The following NFATC3 variants were observed in gnomAD, a reference collection of about 807,000 sequenced individuals.
NFATC3 encodes the protein nuclear factor of activated T-cells, cytoplasmic 3.
A neutral mutation model predicts 98.6 loss-of-function variants in NFATC3; 46 were observed. The observed-to-expected ratio is 0.47, with a 90% CI of 0.37 to 0.60. The LOEUF (loss-of-function observed/expected upper bound fraction) is 0.60, where lower values mean the gene tolerates loss of function less well. NFATC3 is among the 20% of genes least tolerant of loss of function. The pLI is 0.00. For missense variants in NFATC3, 1,256 were observed against 1,295.5 expected (o/e 0.97, Z 0.47); for synonymous variants, 512 against 472.2 (o/e 1.08, Z -1.09).
intron 9 of NFATC3, 168 bp downstream of exon 9, chr16:68,191,943 C>T: frequency 1.4e-6 from 1 of 715,282 alleles, no homozygotes; most frequent in South Asian, 1.9e-5. Context: ...GGTACCACGG[C>T]TCACGCCTGT....
At chr16:68,182,511 A>G (rs1316769794) in intron 7 of NFATC3, among the ~76,000 whole-genome samples, 1 of 151,958 alleles carries the variant, frequency 6.6e-6, no homozygotes, top group Non-Finnish European at 1.5e-5. Context: ...GGATTATTTT[A>G]TTTTTTTAAT....
At chr16:68,102,374 G>GAAAAAAAA (rs71268472) in intron 1 of NFATC3, among the ~76,000 whole-genome samples, 1 of 30,888 alleles carries the variant, frequency 3.2e-5, no homozygotes, top group Non-Finnish European at 6.4e-5. Flanking sequence ...TCCATCTCAG[G>GAAAAAAAA]AAAAAAAAAA....
At chr16:68,112,511 C>T (rs111495303) in intron 1 of NFATC3, among the ~76,000 whole-genome samples, 1,988 of 151,572 alleles carry the variant, frequency 0.013, 43 homozygotes, top group African/African-American at 0.045. Flanking sequence ...CTCCTGGTCT[C>T]GTGATCCACC....
chr16:68,214,561 C>T, intron 9 of NFATC3: 1 of 687,894 alleles, frequency 1.5e-6, no homozygotes, highest in Non-Finnish European at 2.6e-6. Flanking sequence ...CACTCATTAT[C>T]TTTGGAACTA....
intron 3 of NFATC3, among the ~76,000 whole-genome samples, chr16:68,137,723 C>T (rs1027411821): frequency 4.0e-5 from 6 of 151,806 alleles, no homozygotes; most frequent in African/African-American, 1.5e-4. Context: ...ACGCCATTCT[C>T]CTGCCTCAGC....
chr16:68,125,819 A>G (rs1346013265), intron 2 of NFATC3, among the ~76,000 whole-genome samples: 1 of 152,204 alleles, frequency 6.6e-6, no homozygotes, highest in African/African-American at 2.4e-5. Flanking sequence ...AAATTATAAG[A>G]ATTTGTCTTT....
intron 1 of NFATC3, among the ~76,000 whole-genome samples, chr16:68,087,272 G>T (rs866192257): frequency 1.4e-4 from 21 of 152,286 alleles, no homozygotes; most frequent in South Asian, 6.2e-4. Flanking sequence ...ATCGATAAGG[G>T]TGTTAACCAA....
At chr16:68,125,063 C>A (rs61184437) in intron 2 of NFATC3, among the ~76,000 whole-genome samples, 1 of 152,198 alleles carries the variant, frequency 6.6e-6, no homozygotes, top group Non-Finnish European at 1.5e-5. Context: ...ATCTTTATTT[C>A]TCAATCCTGA....
rs371600883 is a variant in NFATC3, at chr16:68,099,521, A to T, written c.103+13737A>T. Among the ~76,000 whole-genome samples, 185 of 151,808 alleles carry T rather than the reference A, an allele frequency of 1.2e-3. 5 individuals are homozygous for T. The East Asian group carries it at 0.028, about 23-fold the overall frequency. ...AAGGCTGAGACAGGCGAATCGCTTG[A>T]ACCTGGGAGGCGAGGGTTGCAGTGA... On this transcript the variant is annotated intron_variant, in intron 1 of 9. Transcript: ENST00000346183.
chr16:68,098,296 TA>T lies in NFATC3; in HGVS notation c.103+12513del, dbSNP rs1327706381. On this transcript the variant is annotated intron_variant, in intron 1 of 9. Transcript: ENST00000346183. ...CTATTATTATTATTATTATTATTAT[TA>T]TTATTTTTTTTTTTTTTTTTTTAGA... is the stretch of plus-strand genomic sequence containing the variant. 4.9e-3 allele frequency among the ~76,000 whole-genome samples: 556 copies of T among 112,436 alleles called. 6 individuals carry two copies. The highest frequency in any genetic ancestry group is 0.019 in the East Asian group (83 of 4,418). The allele number at this position is 112,436 out of a possible 152,430, so 73.8% of individuals were successfully genotyped here.
At chr16:68,138,236 C>T (rs1414184963) in intron 3 of NFATC3, among the ~76,000 whole-genome samples, 1 of 151,636 alleles carries the variant, frequency 6.6e-6, no homozygotes, top group Non-Finnish European at 1.5e-5. Flanking sequence ...GATGGGGTTT[C>T]GTCATGTTGG....
intron 3 of NFATC3, among the ~76,000 whole-genome samples, chr16:68,132,846 CA>C (rs1265156251): frequency 6.6e-6 from 1 of 152,094 alleles, no homozygotes; most frequent in East Asian, 1.9e-4. Context: ...TTTTCGTTAT[CA>C]GAGGCTGAGA....
chr16:68,138,719 G>C (rs1443414547), intron 3 of NFATC3: 3 of 1,288,722 alleles, frequency 2.3e-6, no homozygotes, highest in Non-Finnish European at 1.0e-6. Context: ...AGTAGTCCCT[G>C]GCTGGGCAGC....
chr16:68,184,830 CAAACAAAAA>C (rs2040110004), intron 8 of NFATC3, among the ~76,000 whole-genome samples: 3 of 144,640 alleles, frequency 2.1e-5, no homozygotes, highest in African/African-American at 5.3e-5. Context: ...AACAAACAAA[CAAACAAAAA>C]ACACACAAAT....
intron 1 of NFATC3, among the ~76,000 whole-genome samples, chr16:68,111,888 AT>A (rs2035964403): frequency 6.6e-6 from 1 of 152,132 alleles, no homozygotes; most frequent in Non-Finnish European, 1.5e-5. Context: ...ACGAAGCTTA[AT>A]TTGTCCGGAT....
chr16:68,122,612 C>T lies in NFATC3; in HGVS notation c.729C>T (p.His243=). The change falls in exon 2 of 10, where the codon CAC becomes CAT. Residue 243 remains histidine (H), a synonymous_variant. Coordinates refer to ENST00000346183, the MANE Select transcript of NFATC3 (RefSeq NM_173165.3). ...TATCACCCAGGCAATCTCCTTGCCA[C>T]TCTCCTAGATCCAGTGTCACTGATG... is the stretch of plus-strand genomic sequence containing the variant. ...HSLSPRQSPC[H]SPRSSVTDEN... 1 of 1,614,176 alleles carries T rather than the reference C, an allele frequency of 6.2e-7. No individual in the cohort carries two copies. Among genetic ancestry groups the T allele is most frequent in the African/African-American group, 1.3e-5 (1 of 75,038 alleles).
Position 68,229,065 on chromosome 16 carries a change from A to G in NFATC3, c.*2594A>G, listed in dbSNP as rs1012223631. 2.6e-5 allele frequency: 4 copies of G among 152,212 alleles called. No individual in the cohort carries two copies. The highest frequency in any genetic ancestry group is 5.9e-5 in the Non-Finnish European group (4 of 68,048). 9.4% of individuals were successfully genotyped at this position (152,212 alleles called of 1,614,324 possible). On this transcript the variant is annotated 3_prime_UTR_variant, in exon 10 of 10. Coordinates refer to ENST00000346183, the MANE Select transcript of NFATC3 (RefSeq NM_173165.3). ...AAATTGAAACCTTGTGTTTTATAAA[A>G]TGGATGTTTAGTAAAGGAACTGGTT...
intron 3 of NFATC3, among the ~76,000 whole-genome samples, chr16:68,130,538 A>T (rs1372104207): frequency 1.3e-5 from 2 of 152,164 alleles, no homozygotes; most frequent in Admixed American, 1.3e-4. Context: ...AGTACCTTGT[A>T]CATTCTTAGT....
chr16:68,226,138 A>G (rs990298166), intron 9 of NFATC3: 1 of 460,966 alleles, frequency 2.2e-6, no homozygotes, highest in Non-Finnish European at 3.7e-6. Flanking sequence ...CCCAAAATGA[A>G]CTGAATGAGA....
Sources: gnomAD v4.1 joint callset for allele counts (sites outside exome capture counted in the v4.1 genomes callset) on GRCh38, gnomAD v4.1.1 for gene constraint, MANE v1.5 for transcripts, NCBI Gene and HGNC (gene_info 2026-07-23, HGNC 2026-07-21) for gene names.